The following PRKCZ variants were observed in gnomAD, a reference collection of about 807,000 sequenced individuals.
The protein encoded by PRKCZ is protein kinase C zeta.
In PRKCZ, 33 loss-of-function variants were observed where a neutral mutation model predicts 79.5. The observed-to-expected ratio is 0.41, with a 90% CI of 0.31 to 0.55. PRKCZ has a LOEUF of 0.55. Ranked by LOEUF, PRKCZ falls within the 20% of genes least tolerant of loss-of-function variation. PRKCZ has a pLI of 0.19. For missense variants in PRKCZ, 578 were observed against 813.5 expected (o/e 0.71, Z 3.52); for synonymous variants, 342 against 320.9 (o/e 1.07, Z -0.70).
chr1:2,145,409 G>A (rs1272790493), intron 6 of PRKCZ: 3 of 152,320 alleles, frequency 2.0e-5, no homozygotes, highest in Non-Finnish European at 4.4e-5. Flanking sequence ...TGGGACAGGG[G>A]AGATGACCAA....
intron 10 of PRKCZ, 96 bp downstream of exon 10, chr1:2,156,188 A>G: frequency 8.5e-7 from 1 of 1,179,626 alleles, no homozygotes; most frequent in Non-Finnish European, 1.2e-6. Context: ...GTCACCTGTA[A>G]GGTTCTCCCA....
At chr1:2,179,043 G>C (rs950278982) in intron 16 of PRKCZ, among the ~76,000 whole-genome samples, 1 of 152,188 alleles carries the variant, frequency 6.6e-6, no homozygotes, top group Non-Finnish European at 1.5e-5. Context: ...TTTCCTCCTG[G>C]AGCCTGGCCT....
intron 5 of PRKCZ, chr1:2,143,812 A>G (rs2503706): frequency 0.77 from 123,636 of 161,426 alleles, 48,488 homozygotes; most frequent in East Asian, 0.95. Context: ...GGCAGGGGGT[A>G]CCCCCACACA....
chr1:2,072,702 C>G (rs537336419), intron 4 of PRKCZ, among the ~76,000 whole-genome samples: 14 of 152,128 alleles, frequency 9.2e-5, no homozygotes, highest in Admixed American at 7.2e-4. Flanking sequence ...CCTTTGCTGT[C>G]TCTAGGAATC....
intron 10 of PRKCZ, among the ~76,000 whole-genome samples, chr1:2,166,922 T>C (rs1382218862): frequency 6.6e-6 from 1 of 152,192 alleles, no homozygotes; most frequent in Non-Finnish European, 1.5e-5. Flanking sequence ...GGATTACAGG[T>C]GCACACCACC....
chr1:2,159,444 C>T (rs1018514414), intron 10 of PRKCZ, among the ~76,000 whole-genome samples: 3 of 152,232 alleles, frequency 2.0e-5, no homozygotes, highest in African/African-American at 4.8e-5. Flanking sequence ...GTGAATAACA[C>T]GCAGAACAGG....
intron 6 of PRKCZ, 183 bp downstream of exon 6, chr1:2,144,524 C>G (rs561222606): frequency 7.0e-7 from 1 of 1,418,914 alleles, no homozygotes; most frequent in East Asian, 2.6e-5. Context: ...TCTTCCTGAG[C>G]CCCCACAAGC....
intron 10 of PRKCZ, among the ~76,000 whole-genome samples, chr1:2,161,939 C>T (rs973886063): frequency 5.3e-5 from 8 of 152,016 alleles, no homozygotes; most frequent in Admixed American, 5.2e-4. Context: ...CCACATAAAA[C>T]AAGAGCCTCT....
At chr1:2,120,463 C>G (rs1007864370) in intron 4 of PRKCZ, among the ~76,000 whole-genome samples, 4 of 151,934 alleles carry the variant, frequency 2.6e-5, no homozygotes, top group African/African-American at 9.7e-5. Flanking sequence ...CCATGACCGG[C>G]TAATTTTTTT....
chr1:2,090,490 C>T (rs1424282151), intron 4 of PRKCZ, among the ~76,000 whole-genome samples: 2 of 152,290 alleles, frequency 1.3e-5, no homozygotes, highest in East Asian at 3.9e-4. Context: ...GGGATGCCCC[C>T]CAGCCCCCTC....
At position 2,151,039 on chromosome 1, in the gene PRKCZ, C is replaced by T. The variant is rs151231110; in HGVS notation, c.876+61C>T. ...GAACGCGCTGCCCTGGGGCCTCCTC[C>T]GGGCTTTAGCGGAATTAATCCATGC... On this transcript the variant is annotated intron_variant, in intron 9 of 17. Coordinates refer to ENST00000378567, the MANE Select transcript of PRKCZ (RefSeq NM_002744.6). 7,009 of 1,564,106 alleles carry T rather than the reference C, an allele frequency of 4.5e-3. 31 individuals carry two copies. The highest frequency in any genetic ancestry group is 5.2e-3 in the Non-Finnish European group (6,000 of 1,153,078).
intron 7 of PRKCZ, among the ~76,000 whole-genome samples, chr1:2,146,689 G>C (rs1463890784): frequency 6.6e-6 from 1 of 152,198 alleles, no homozygotes; most frequent in African/African-American, 2.4e-5. Flanking sequence ...GGGGGTGTGA[G>C]AGCCTCACTT....
Position 2,174,852 on chromosome 1 carries a change from T to C in PRKCZ, c.1485+19T>C. 1 of 1,610,560 alleles carries C rather than the reference T, an allele frequency of 6.2e-7. No homozygotes were observed. The highest frequency in any genetic ancestry group is 8.5e-7 in the Non-Finnish European group (1 of 1,176,794). On this transcript the variant is annotated intron_variant, in intron 15 of 17. Transcript: ENST00000378567. The surrounding 1 kb of genome is among the most constrained non-coding windows in gnomAD (Gnocchi z 6.2). The stretch of plus-strand genomic sequence containing the variant: ...AAATAAGGTACGTTTCTGGCCATGC[T>C]GACAAAATCTCGTTTGTGGCCTCGG...
intron 4 of PRKCZ, among the ~76,000 whole-genome samples, chr1:2,106,803 T>C: frequency 1.5e-5 from 1 of 67,236 alleles, no homozygotes. Flanking sequence ...AGGTGACTCT[T>C]CAGCAGGCCC....
At chr1:2,062,674 G>T (rs1407285572) in intron 4 of PRKCZ, among the ~76,000 whole-genome samples, 5 of 151,716 alleles carry the variant, frequency 3.3e-5, no homozygotes, top group African/African-American at 1.2e-4. Flanking sequence ...TTTTTGTAGA[G>T]TTGGGGTTTT....
chr1:2,074,766 A>AGGTAGACTCGGAG, intron 4 of PRKCZ: 1 of 171,864 alleles, frequency 5.8e-6, no homozygotes. Flanking sequence ...AAATGGTTGG[A>AGGTAGACTCGGAG]GGTAGACTCG....
At chr1:2,093,275 G>A (rs951786213) in intron 4 of PRKCZ, among the ~76,000 whole-genome samples, 2 of 152,110 alleles carry the variant, frequency 1.3e-5, no homozygotes, top group African/African-American at 4.8e-5. Context: ...CGCTGGCCTC[G>A]CTGCTTCCTG....
At chr1:2,184,283 A>C in intron 16 of PRKCZ, 1 of 356,042 alleles carries the variant, frequency 2.8e-6, no homozygotes, top group South Asian at 2.6e-5. Flanking sequence ...TGCCCCTCTG[A>C]ACAAGGACCC....
chr1:2,051,475 T>C (rs919140361), intron 1 of PRKCZ, among the ~76,000 whole-genome samples: 1 of 152,162 alleles, frequency 6.6e-6, no homozygotes, highest in East Asian at 1.9e-4. Flanking sequence ...CTTCCACCTG[T>C]GCGCGTCTCC....
Sources: gnomAD v4.1 joint callset for allele counts (sites outside exome capture counted in the v4.1 genomes callset) on GRCh38, gnomAD v4.1.1 for gene constraint, Gnocchi (gnomAD v3.1) non-coding constraint, MANE v1.5 for transcripts, NCBI Gene and HGNC (gene_info 2026-07-23, HGNC 2026-07-21) for gene names.